The following CDC42SE2 variants were observed in gnomAD, a reference collection of about 807,000 sequenced individuals.
CDC42SE2 encodes the protein CDC42 small effector 2, also known as CDC42 small effector protein 2.
In CDC42SE2, 3 loss-of-function variants were observed where a neutral mutation model predicts 11.5. The observed-to-expected ratio is 0.26, with a 90% confidence interval of 0.12 to 0.67. CDC42SE2 has a LOEUF of 0.67. CDC42SE2 is among the 30% of genes least tolerant of loss of function. The probability of loss-of-function intolerance (pLI) is 0.80; values close to 1 mark genes in which losing one functional copy is unlikely to be tolerated. For synonymous variants in CDC42SE2, 33 were observed against 34.8 expected, an observed-to-expected ratio of 0.95 and a Z score of 0.18; for missense variants, 82 against 106.8, an observed-to-expected ratio of 0.77 and a Z score of 1.02.
At chr5:131,211,135 C>G in the CDC42SE2 span, among the ~76,000 whole-genome samples, 36 of 152,322 alleles carry the variant, frequency 2.4e-4, no homozygotes, top group Non-Finnish European at 4.6e-4. Flanking sequence ...CCGCGCCCTG[C>G]CATCTCTATT....
intron 1 of CDC42SE2, among the ~76,000 whole-genome samples, chr5:131,311,848 A>T (rs914360978): frequency 6.6e-6 from 1 of 151,602 alleles, no homozygotes. Context: ...ATTCTTCTAA[A>T]TTTTTTTTCA....
intron 2 of CDC42SE2, 39 bp from the exon 3 acceptor site, chr5:131,359,170 A>G (rs981803757): frequency 1.4e-5 from 3 of 216,958 alleles, no homozygotes; most frequent in Non-Finnish European, 2.7e-5. Context: ...AGGATAAGTA[A>G]AGTTTAACTT....
In CDC42SE2 at chr5:131,266,976, T is replaced by C. The variant is rs1019920767; in HGVS notation, c.-455+2810T>C. Among the ~76,000 whole-genome samples, 8 of 119,116 alleles carry C rather than the reference T, an allele frequency of 6.7e-5. No homozygotes were observed. In the East Asian group the frequency reaches 1.4e-3, roughly 20 times the overall value. 78.1% of individuals were successfully genotyped at this position (119,116 alleles called of 152,430 possible). On this transcript the variant is annotated intron_variant, in intron 1 of 4. Coordinates refer to ENST00000505065, the MANE Select transcript of CDC42SE2 (RefSeq NM_001375635.1). ...TGGCTTTTTTTTTTTTTTTTTTTTT[T>C]CGGATAAGCACATCATCAGAATTCT...
the CDC42SE2 span, among the ~76,000 whole-genome samples, chr5:131,223,192 T>G: frequency 1.3e-5 from 2 of 152,206 alleles, no homozygotes; most frequent in African/African-American, 4.8e-5. Context: ...AAAACATAAT[T>G]GTTTCTTTCT....
chr5:131,225,117 G>A, the CDC42SE2 span, among the ~76,000 whole-genome samples: 1 of 152,178 alleles, frequency 6.6e-6, no homozygotes, highest in African/African-American at 2.4e-5. Context: ...TGAAATCGAA[G>A]TGGTGGCCCA....
At chr5:131,256,095 A>G (rs775930567) in intron 2 of CDC42SE2, among the ~76,000 whole-genome samples, 1 of 152,198 alleles carries the variant, frequency 6.6e-6, no homozygotes, top group Non-Finnish European at 1.5e-5. Flanking sequence ...ACCATATGCT[A>G]CCAGAAATTC....
chr5:131,386,488 C>T (rs1443924023), intron 4 of CDC42SE2, among the ~76,000 whole-genome samples: 1 of 152,204 alleles, frequency 6.6e-6, no homozygotes, highest in African/African-American at 2.4e-5. Context: ...TAGGGCAAGG[C>T]AGTAAAAATT....
intron 1 of CDC42SE2, among the ~76,000 whole-genome samples, chr5:131,310,109 C>G (rs543874059): frequency 5.7e-4 from 86 of 152,152 alleles, no homozygotes; most frequent in African/African-American, 1.9e-3. Context: ...CTTCTACACA[C>G]TGCTTTGAAT....
intron 2 of CDC42SE2, among the ~76,000 whole-genome samples, chr5:131,256,353 T>C (rs1756679956): frequency 6.6e-6 from 1 of 152,132 alleles, no homozygotes; most frequent in Admixed American, 6.5e-5. Context: ...TCAGATACAC[T>C]CTTGAGGCTA....
chr5:131,350,553 C>T (rs1161567858), intron 2 of CDC42SE2, among the ~76,000 whole-genome samples: 2 of 151,594 alleles, frequency 1.3e-5, no homozygotes, highest in South Asian at 2.1e-4. Context: ...AAGGCTTTAA[C>T]GCCCTGATAT....
intron 2 of CDC42SE2, among the ~76,000 whole-genome samples, chr5:131,346,562 T>C (rs562936895): frequency 6.6e-6 from 1 of 152,290 alleles, no homozygotes; most frequent in South Asian, 2.1e-4. Context: ...TGGCAGACTT[T>C]AACACCCGAC....
intron 1 of CDC42SE2, among the ~76,000 whole-genome samples, chr5:131,307,159 G>A (rs1474247611): frequency 1.3e-5 from 2 of 151,480 alleles, no homozygotes; most frequent in Non-Finnish European, 2.9e-5. Flanking sequence ...CTGGTATGCT[G>A]CACCCACTAA....
intron 3 of CDC42SE2, among the ~76,000 whole-genome samples, chr5:131,365,750 A>G (rs1366969018): frequency 1.3e-5 from 2 of 152,208 alleles, no homozygotes; most frequent in African/African-American, 4.8e-5. Flanking sequence ...TGGGAGGCCA[A>G]GGCGGGCGGA....
At chr5:131,312,226 G>T (rs531602066) in intron 1 of CDC42SE2, among the ~76,000 whole-genome samples, 2 of 151,786 alleles carry the variant, frequency 1.3e-5, no homozygotes, top group Admixed American at 6.6e-5. Flanking sequence ...GTGTGCCCCT[G>T]CTGGGGGGTG....
chr5:131,376,681 T>C (rs193265980), intron 3 of CDC42SE2, among the ~76,000 whole-genome samples: 39 of 152,290 alleles, frequency 2.6e-4, no homozygotes, highest in Admixed American at 1.2e-3. Context: ...TCCTGGTATC[T>C]GTTGTTGCCT....
chr5:131,232,037 G>A, the CDC42SE2 span, among the ~76,000 whole-genome samples: 3 of 151,830 alleles, frequency 2.0e-5, no homozygotes, highest in South Asian at 2.1e-4. Context: ...TGATCCACCC[G>A]CCTTGGCCTC....
rs552674812 is a variant in CDC42SE2, at chr5:131,378,179, A to G, written c.55-7364A>G. 2.0e-5 allele frequency among the ~76,000 whole-genome samples: 3 copies of G among 152,320 alleles called. No individual in the cohort carries two copies. In the East Asian group the frequency reaches 5.8e-4, roughly 29 times the overall value. ...TGTTTGAGCTGGGTCTCAAAGAATG[A>G]GTAGGGAGAGACTTGGGGCAAGGGT... On this transcript the variant is annotated intron_variant, in intron 3 of 4. Coordinates refer to ENST00000505065, the MANE Select transcript of CDC42SE2 (RefSeq NM_001375635.1).
chr5:131,351,763 G>A (rs1050135633), intron 2 of CDC42SE2, among the ~76,000 whole-genome samples: 1 of 152,058 alleles, frequency 6.6e-6, no homozygotes, highest in Non-Finnish European at 1.5e-5. Flanking sequence ...TGCAACTTTG[G>A]GATATGTGAA....
At chr5:131,364,537 T>C (rs997578484) in intron 3 of CDC42SE2, among the ~76,000 whole-genome samples, 2 of 152,206 alleles carry the variant, frequency 1.3e-5, no homozygotes, top group African/African-American at 2.4e-5. Context: ...AATCATTGAA[T>C]GGTTTAGAGC....
Sources: gnomAD v4.1 joint callset for allele counts (sites outside exome capture counted in the v4.1 genomes callset) on GRCh38, gnomAD v4.1.1 for gene constraint, MANE v1.5 for transcripts, NCBI Gene and HGNC (gene_info 2026-07-23, HGNC 2026-07-21) for gene names.